Variants in CGGBP1 observed in about 807,000 individuals in gnomAD.
CGGBP1 encodes CGG triplet repeat-binding protein 1.
In CGGBP1, 4 loss-of-function variants were observed where a neutral mutation model predicts 11.4. That is an observed-to-expected ratio of 0.35 (90% CI 0.17 to 0.80). The LOEUF is 0.80. CGGBP1 is among the 30% of genes least tolerant of loss of function. CGGBP1 has a pLI of 0.52. For missense variants in CGGBP1, 135 were observed against 202.1 expected (o/e 0.67, Z 2.01); for synonymous variants, 76 against 74.1 (o/e 1.03, Z -0.13).
At chr3:88,131,350 A>G (rs1320651820) in intron 2 of CGGBP1, among the ~76,000 whole-genome samples, 1 of 152,192 alleles carries the variant, frequency 6.6e-6, no homozygotes, top group Non-Finnish European at 1.5e-5. Context: ...TCATTTTTTG[A>G]CATGTGGTTA....
intron 2 of CGGBP1, 144 bp downstream of exon 2, chr3:88,057,875 A>G (rs1159959896): frequency 6.6e-6 from 1 of 152,278 alleles, no homozygotes; most frequent in African/African-American, 2.4e-5. Flanking sequence ...TACCCGAAGA[A>G]CAAAAGTGTT....
intron 2 of CGGBP1, chr3:88,129,826 GGTAA>G: frequency 7.0e-7 from 1 of 1,435,436 alleles, no homozygotes; most frequent in Non-Finnish European, 9.2e-7. Flanking sequence ...TACTGTATCT[GGTAA>G]GTGTTTGTAA....
chr3:88,141,504 C>CA (rs1707129937), intron 1 of CGGBP1: 1 of 547,064 alleles, frequency 1.8e-6, no homozygotes, highest in Non-Finnish European at 2.9e-6. Context: ...AATTGAGAAA[C>CA]AAAATCAGAA....
intron 2 of CGGBP1, among the ~76,000 whole-genome samples, chr3:88,107,746 TCATC>T (rs1704832310): frequency 1.3e-5 from 2 of 152,190 alleles, no homozygotes; most frequent in Admixed American, 1.3e-4. Context: ...GTGTATCTAA[TCATC>T]CATAAGATCT....
At chr3:88,059,313 G>A (rs1478602843), upstream of CGGBP1, 2 of 1,533,758 alleles carry the variant, frequency 1.3e-6, no homozygotes, top group Non-Finnish European at 1.7e-6. Flanking sequence ...TGGGCGGCGA[G>A]AGCCTCATGG....
chr3:88,135,217 T>C, intron 2 of CGGBP1: 2 of 1,434,068 alleles, frequency 1.4e-6, no homozygotes, highest in Non-Finnish European at 1.8e-6. Flanking sequence ...ATAGGATATA[T>C]TTGTCCCTTA....
chr3:88,117,468 G>A (rs1705481255), intron 2 of CGGBP1, among the ~76,000 whole-genome samples: 1 of 152,000 alleles, frequency 6.6e-6, no homozygotes, highest in Admixed American at 6.6e-5. Context: ...ATAAGATAGA[G>A]CAACAGAAAT....
intron 2 of CGGBP1, chr3:88,128,946 T>C (rs1706275449): frequency 6.5e-7 from 1 of 1,535,542 alleles, no homozygotes; most frequent in Non-Finnish European, 8.7e-7. Context: ...TAAAGACTTA[T>C]ACTTCCATCA....
At position 88,054,117 on chromosome 3, in the gene CGGBP1, A is replaced by G. The variant is rs1346272422; in HGVS notation, c.*1356T>C. 6.6e-6 allele frequency: 1 copy of G among 152,652 alleles called. No homozygotes were observed. Among genetic ancestry groups the G allele is most frequent in the Non-Finnish European group, 1.5e-5 (1 of 68,014 alleles). The allele number at this position is 152,652 out of a possible 1,614,324, so 9.5% of individuals were successfully genotyped here. On this transcript the variant is annotated 3_prime_UTR_variant, in exon 4 of 4. Transcript: ENST00000482016. The stretch of plus-strand genomic sequence containing the variant: ...AAGATTTGTGGTAAAAGTCAAAGAT[A>G]ACTCCAAGTCACACAGGGCATCATT...
At chr3:88,122,381 C>CT (rs1705822712) in intron 2 of CGGBP1, among the ~76,000 whole-genome samples, 4 of 152,158 alleles carry the variant, frequency 2.6e-5, no homozygotes, top group Admixed American at 2.6e-4. Flanking sequence ...TGATAAACTG[C>CT]TGACGGATCC....
chr3:88,059,315 G>A (rs754189967), upstream of CGGBP1: 2 of 1,533,588 alleles, frequency 1.3e-6, no homozygotes, highest in Admixed American at 2.0e-5. Flanking sequence ...GGCGGCGAGA[G>A]CCTCATGGCG....
At chr3:88,084,351 A>G (rs1250378181) in intron 2 of CGGBP1, among the ~76,000 whole-genome samples, 1 of 152,210 alleles carries the variant, frequency 6.6e-6, no homozygotes, top group Non-Finnish European at 1.5e-5. Context: ...CCTATTTTTT[A>G]TGTGGCACCG....
At chr3:88,074,975 T>C (rs1420126775) in intron 2 of CGGBP1, among the ~76,000 whole-genome samples, 1 of 152,200 alleles carries the variant, frequency 6.6e-6, no homozygotes, top group African/African-American at 2.4e-5. Flanking sequence ...CTGTTTGCCA[T>C]ATTTTGTGGA....
chr3:88,129,067 CA>C (rs1230811728), intron 2 of CGGBP1: 51,467 of 942,184 alleles, frequency 0.055, no homozygotes, highest in South Asian at 0.091. Context: ...AAAAAAAAAC[CA>C]AAAAAAAAAA....
chr3:88,103,901 G>GGATTACA (rs1704583918), intron 2 of CGGBP1, among the ~76,000 whole-genome samples: 1 of 151,600 alleles, frequency 6.6e-6, no homozygotes, highest in South Asian at 2.1e-4. Flanking sequence ...CAAGTAGCTG[G>GGATTACA]GATTACAGGT....
chr3:88,090,716 T>C (rs1708587159), intron 2 of CGGBP1, among the ~76,000 whole-genome samples: 1 of 152,214 alleles, frequency 6.6e-6, no homozygotes, highest in Non-Finnish European at 1.5e-5. Context: ...GCTCCATTCA[T>C]GGTAAGTGCC....
intron 2 of CGGBP1, among the ~76,000 whole-genome samples, chr3:88,088,738 CTTTA>C (rs1159947049): frequency 8.7e-4 from 121 of 138,678 alleles, no homozygotes; most frequent in South Asian, 2.5e-3. Context: ...AAAAAAAAAC[CTTTA>C]TTTATGTATG....
At chr3:88,112,097 C>T (rs1255495108) in intron 2 of CGGBP1, among the ~76,000 whole-genome samples, 2 of 151,756 alleles carry the variant, frequency 1.3e-5, no homozygotes, top group Non-Finnish European at 3.0e-5. Flanking sequence ...GTTTTTTGGT[C>T]TGTTGATATT....
intron 1 of CGGBP1, chr3:88,144,811 CATAAT>C (rs749970888): frequency 1.2e-4 from 18 of 152,000 alleles, no homozygotes; most frequent in South Asian, 6.2e-4. Flanking sequence ...TTTTTTTAAA[CATAAT>C]ATAGAAAATA....
Sources: gnomAD v4.1 joint callset for allele counts (sites outside exome capture counted in the v4.1 genomes callset) on GRCh38, gnomAD v4.1.1 for gene constraint, MANE v1.5 for transcripts, NCBI Gene and HGNC (gene_info 2026-07-23, HGNC 2026-07-21) for gene names.